Variants in CTBP2 observed in about 807,000 individuals in gnomAD.
The protein encoded by CTBP2 is C-terminal-binding protein 2.
In CTBP2, 30 loss-of-function variants were observed where a neutral mutation model predicts 80.3. That is an observed-to-expected ratio of 0.37 (90% CI 0.28 to 0.51). The LOEUF (loss-of-function observed/expected upper bound fraction) is 0.51, where lower values mean the gene tolerates loss of function less well. Among genes scored for constraint, CTBP2 ranks in the 20% least tolerant of loss-of-function variants. CTBP2 has a pLI of 0.93. For synonymous variants in CTBP2, 594 were observed against 587.4 expected, an observed-to-expected ratio of 1.01 and a Z score of -0.16; for missense variants, 1,212 against 1,375.3, an observed-to-expected ratio of 0.88 and a Z score of 1.88.
chr10:125,012,176 G>C (rs1363613066), intron 1 of CTBP2, among the ~76,000 whole-genome samples: 1 of 152,254 alleles, frequency 6.6e-6, no homozygotes, highest in Non-Finnish European at 1.5e-5. Flanking sequence ...ACGTGTGCGA[G>C]ATTTCCCCAG....
In CTBP2 at chr10:125,145,345, TTGGGGACGCCCCTGCTC is replaced by T. The variant is rs1367022939; in HGVS notation, c.-206+14957_-206+14973del. The stretch of plus-strand genomic sequence containing the variant: ...CAGGAGACTCCTGGCCAGGGGTGCC[TTGGGGACGCCCCTGCTC>T]CAGAAGCCAACCTTTTGAGCACCCC... On this transcript the variant is annotated intron_variant, in intron 1 of 10. Coordinates refer to the CTBP2 transcript ENST00000337195. 5.3e-4 allele frequency among the ~76,000 whole-genome samples: 80 copies of T among 152,140 alleles called. 2 individuals are homozygous for T. In the East Asian group the frequency reaches 0.013, roughly 25 times the overall value.
intron 3 of CTBP2, among the ~76,000 whole-genome samples, chr10:125,033,291 C>A (rs1279842854): frequency 6.6e-6 from 1 of 152,218 alleles, no homozygotes; most frequent in Non-Finnish European, 1.5e-5. Flanking sequence ...CTCAGCCAGG[C>A]TCCTGCTGGA....
intron 2 of CTBP2, among the ~76,000 whole-genome samples, chr10:125,098,659 A>G (rs1263737376): frequency 0.063 from 1,161 of 18,440 alleles, 27 homozygotes; most frequent in African/African-American, 0.17. Flanking sequence ...GGGGAGGGGG[A>G]GAGAGAGAGA....
intron 2 of CTBP2, among the ~76,000 whole-genome samples, chr10:125,053,486 G>A (rs1008420977): frequency 2.0e-5 from 3 of 152,158 alleles, no homozygotes; most frequent in Non-Finnish European, 2.9e-5. Flanking sequence ...CCCTCCCAGA[G>A]GTTCTCCCAG....
At chr10:125,126,856 G>T (rs904947470) in intron 1 of CTBP2, among the ~76,000 whole-genome samples, 1 of 152,018 alleles carries the variant, frequency 6.6e-6, no homozygotes, top group Non-Finnish European at 1.5e-5. Flanking sequence ...GATGGTCAAA[G>T]CCTATAGCCC....
chr10:124,986,523 A>C lies in CTBP2; in HGVS notation c.*2995T>G, dbSNP rs1404201788. 6.6e-6 allele frequency: 1 copy of C among 152,212 alleles called. No individual in the cohort carries two copies. Among genetic ancestry groups the C allele is most frequent in the East Asian group, 1.9e-4 (1 of 5,204 alleles). 9.4% of individuals were successfully genotyped at this position (152,212 alleles called of 1,614,324 possible). ...TCAGTAAAAAGGTGTTCCCAGGATG[A>C]AAAGATCATTTTTTGCTGCATGCTA... On this transcript the variant is annotated 3_prime_UTR_variant, in exon 9 of 9. Coordinates refer to ENST00000309035, the MANE Select transcript of CTBP2 (RefSeq NM_022802.3).
At chr10:125,025,976 G>T in intron 1 of CTBP2, 1 of 1,376,228 alleles carries the variant, frequency 7.3e-7, no homozygotes, top group Non-Finnish European at 9.9e-7. Context: ...GTGTGTGTGT[G>T]GCCTGGTGAG....
intron 7 of CTBP2, 65 bp from the exon 10 acceptor site, chr10:124,992,877 C>CCT (rs1428934231): frequency 8.3e-7 from 1 of 1,211,532 alleles, no homozygotes; most frequent in East Asian, 2.4e-5. Flanking sequence ...CAACATTACA[C>CCT]CTGTAGCTGC....
chr10:124,997,840 G>A (rs1227127933), intron 4 of CTBP2, 124 bp downstream of exon 6: 33 of 971,506 alleles, frequency 3.4e-5, no homozygotes, highest in Non-Finnish European at 4.5e-5. Context: ...AACACGGGGA[G>A]GGTGCTGGCC....
chr10:125,062,525 G>A (rs1019747801), intron 2 of CTBP2, among the ~76,000 whole-genome samples: 11 of 152,280 alleles, frequency 7.2e-5, no homozygotes, highest in East Asian at 1.9e-4. Flanking sequence ...AGAACTCAGC[G>A]CGAGGGGTTA....
In CTBP2 at chr10:125,027,892, C is replaced by G; in HGVS notation, c.-133G>C. 1.4e-6 allele frequency: 2 copies of G among 1,426,948 alleles called. No individual in the cohort carries two copies. The highest frequency in any genetic ancestry group is 1.8e-6 in the Non-Finnish European group (2 of 1,094,670). 88.4% of individuals were successfully genotyped at this position (1,426,948 alleles called of 1,614,324 possible). A position where few individuals can be genotyped will look rare whatever the true frequency, so the allele number is the denominator to read the frequency against. On this transcript the variant is annotated 5_prime_UTR_variant, in exon 1 of 9. Transcript: ENST00000309035. ...GCAGGGACAACCAACTGGGGGTTTT[C>G]TGTTTCAAAGCATGGCCTGAATTAT...
chr10:125,142,988 C>T (rs867626315), intron 1 of CTBP2, among the ~76,000 whole-genome samples: 47 of 152,220 alleles, frequency 3.1e-4, no homozygotes, highest in African/African-American at 1.1e-3. Context: ...CCCACATTTA[C>T]CCTCAGCACA....
In CTBP2 at chr10:125,114,264, G is replaced by A. The variant is rs573222251; in HGVS notation, c.-205-3171C>T. On this transcript the variant is annotated intron_variant, in intron 1 of 10. Coordinates refer to the CTBP2 transcript ENST00000337195. ...CCCTCCAAGTTCACGTGGCTGCTTC[G>A]GGCCAGACAGGGGTCCTATTTCTGG... 3.5e-3 allele frequency among the ~76,000 whole-genome samples: 537 copies of A among 152,264 alleles called. 4 individuals carry two copies. Among genetic ancestry groups the A allele is most frequent in the African/African-American group, 0.012 (503 of 41,544 alleles).
chr10:125,016,032 A>G (rs2363895), intron 1 of CTBP2, among the ~76,000 whole-genome samples: 54,336 of 151,938 alleles, frequency 0.36, 9,860 homozygotes, highest in Admixed American at 0.43. Context: ...GGGTACCCGG[A>G]TCCCTGCACC....
chr10:124,997,450 C>G (rs560275649), intron 4 of CTBP2: 1 of 167,106 alleles, frequency 6.0e-6, no homozygotes, highest in African/African-American at 2.4e-5. Context: ...CCTCTCCTCA[C>G]GTCTCCTTTT....
rs1331910090 is a variant in CTBP2, at chr10:125,026,166, G to A, written c.1594C>T (p.His532Tyr). 6.2e-7 allele frequency: 1 copy of A among 1,611,344 alleles called. No individual in the cohort carries two copies. Among genetic ancestry groups the A allele is most frequent in the Non-Finnish European group, 8.5e-7 (1 of 1,178,120 alleles). Reference sequence around the variant, plus strand: ...TTCTGGTACGGTGAGTGAGGCGTGTGGAGGCTCTGGCTGGCCGGCGGCAGG... The same window carrying A: ...TTCTGGTACGGTGAGTGAGGCGTGTAGAGGCTCTGGCTGGCCGGCGGCAGG... The change falls in exon 1 of 9, where the codon CAC (histidine) becomes TAC (tyrosine). Residue 532 changes from histidine (H) to tyrosine (Y), a missense_variant. Coordinates refer to ENST00000309035, the MANE Select transcript of CTBP2 (RefSeq NM_022802.3).
upstream of CTBP2, among the ~76,000 whole-genome samples, chr10:125,031,468 A>G (rs1423225596): frequency 6.9e-6 from 1 of 144,528 alleles, no homozygotes; most frequent in East Asian, 2.0e-4. Context: ...CAGCCTGGGC[A>G]ACAGAGCAAG....
At chr10:125,017,704 G>C (rs1189196283) in intron 1 of CTBP2, among the ~76,000 whole-genome samples, 2 of 152,202 alleles carry the variant, frequency 1.3e-5, no homozygotes, top group Non-Finnish European at 2.9e-5. Context: ...GCATGATCCA[G>C]GGCAAGGAGT....
chr10:125,003,613 C>T (rs557541974), intron 1 of CTBP2, 121 bp from the exon 4 acceptor site: 20 of 717,150 alleles, frequency 2.8e-5, no homozygotes, highest in Non-Finnish European at 3.9e-5. Flanking sequence ...GGCGGAGCAG[C>T]GAGGGCACCG....
Sources: gnomAD v4.1 joint callset for allele counts (sites outside exome capture counted in the v4.1 genomes callset) on GRCh38, gnomAD v4.1.1 for gene constraint, MANE v1.5 for transcripts, NCBI Gene and HGNC (gene_info 2026-07-23, HGNC 2026-07-21) for gene names.